STK4: variants seen among roughly 807,000 people sequenced by gnomAD.
The protein encoded by STK4 is serine/threonine kinase 4.
Under a neutral mutation model 64.9 loss-of-function variants are expected in STK4, and 30 were observed. That is an observed-to-expected ratio of 0.46 (90% CI 0.35 to 0.63). The LOEUF is 0.63. Ranked by LOEUF, STK4 falls within the 20% of genes least tolerant of loss-of-function variation. STK4 has a pLI of 0.01. For missense variants in STK4, 466 were observed against 598.5 expected (o/e 0.78, Z 2.31); for synonymous variants, 177 against 199.0 (o/e 0.89, Z 0.93).
Position 45,075,827 on chromosome 20 carries a change from G to C in STK4, c.*651G>C, listed in dbSNP as rs1015135070. 3.9e-5 allele frequency: 6 copies of C among 152,658 alleles called. No individual in the cohort carries two copies. Among genetic ancestry groups the C allele is most frequent in the African/African-American group, 1.4e-4 (6 of 41,450 alleles). The allele number at this position is 152,658 out of a possible 1,614,324, so 9.5% of individuals were successfully genotyped here. On this transcript the variant is annotated 3_prime_UTR_variant, in exon 11 of 11. Coordinates refer to ENST00000372806, the MANE Select transcript of STK4 (RefSeq NM_006282.5). ...TCTGGAGCTATTGGTGATGTCCAAG[G>C]GAAAGCTTTGAGAGTTTATGTTTAC...
Position 45,033,622 on chromosome 20 carries a change from G to T in STK4, c.1305+8492G>T, listed in dbSNP as rs138402387. On this transcript the variant is annotated intron_variant, in intron 10 of 10. Coordinates refer to ENST00000372806, the MANE Select transcript of STK4 (RefSeq NM_006282.5). ...GACAGAGTCTTGCTCTGTTGCCCAG[G>T]CTGGAGTAATGCAGTGGCGTGATCT... Among the ~76,000 whole-genome samples, 595 of 152,234 alleles carry T rather than the reference G, an allele frequency of 3.9e-3. 1 individual carries two copies. The highest frequency in any genetic ancestry group is 0.013 in the African/African-American group (560 of 41,536).
chr20:45,007,385 A>G (rs1158740669), intron 9 of STK4, among the ~76,000 whole-genome samples: 2 of 152,108 alleles, frequency 1.3e-5, no homozygotes, highest in Admixed American at 1.3e-4. Flanking sequence ...ACCCCATCTT[A>G]AGAATACAAA....
At chr20:45,059,331 C>T (rs1400489396) in intron 10 of STK4, among the ~76,000 whole-genome samples, 2 of 152,158 alleles carry the variant, frequency 1.3e-5, no homozygotes, top group African/African-American at 2.4e-5. Flanking sequence ...TTCATCTTTT[C>T]ACTTAAAGGA....
chr20:45,001,105 A>G, intron 8 of STK4, 62 bp from the exon 9 acceptor site: 5 of 1,523,244 alleles, frequency 3.3e-6, no homozygotes, highest in Admixed American at 1.9e-5. Flanking sequence ...GGTAGTAGTT[A>G]TTCAGAAAAC....
chr20:45,011,729 A>ATATATATATATATATATATTT (rs60170856), intron 9 of STK4, among the ~76,000 whole-genome samples: 9 of 115,384 alleles, frequency 7.8e-5, no homozygotes, highest in African/African-American at 2.9e-4. Context: ...ATATATATAT[A>ATATATATATATATATATATTT]TTTTTTTTTT....
At position 44,993,896 on chromosome 20, in the gene STK4, T is replaced by A. The variant is rs116355968; in HGVS notation, c.526-1194T>A. Among the ~76,000 whole-genome samples, 296 of 152,150 alleles carry A rather than the reference T, an allele frequency of 1.9e-3. 2 individuals are homozygous for A. Among genetic ancestry groups the A allele is most frequent in the African/African-American group, 6.6e-3 (272 of 41,498 alleles). On this transcript the variant is annotated intron_variant, in intron 5 of 10. Transcript: ENST00000372806. ...TGGGAGACTCAGTCAGGAGAGTCGC[T>A]TGAACCCCAGGGGCGGAGGTTGCAG... is the stretch of plus-strand genomic sequence containing the variant.
intron 1 of STK4, among the ~76,000 whole-genome samples, chr20:44,967,655 G>A (rs2067174403): frequency 6.6e-6 from 1 of 152,000 alleles, no homozygotes; most frequent in African/African-American, 2.4e-5. Context: ...TCTAAAGAAG[G>A]AAGTGTTCAG....
At chr20:44,997,434 G>A in intron 7 of STK4, 128 bp downstream of exon 7, 1 of 1,197,804 alleles carries the variant, frequency 8.3e-7, no homozygotes, top group Non-Finnish European at 1.1e-6. Context: ...GCTCACGCCT[G>A]TAATCGTAGC....
chr20:45,018,674 A>G (rs2068187316), intron 9 of STK4, among the ~76,000 whole-genome samples: 1 of 152,024 alleles, frequency 6.6e-6, no homozygotes, highest in Admixed American at 6.6e-5. Context: ...GAGTTGTGCA[A>G]CCATCACCAC....
At chr20:45,034,549 A>G (rs1170450317) in intron 10 of STK4, among the ~76,000 whole-genome samples, 1 of 152,194 alleles carries the variant, frequency 6.6e-6, no homozygotes, top group Non-Finnish European at 1.5e-5. Context: ...AACAAGGTTG[A>G]TCTTATTCTT....
chr20:45,020,452 G>A (rs2068224073), intron 9 of STK4, among the ~76,000 whole-genome samples: 1 of 126,032 alleles, frequency 7.9e-6, no homozygotes, highest in South Asian at 2.4e-4. Context: ...GTGTGTGTGT[G>A]TGTGTGTGTG....
At chr20:45,020,099 A>G (rs558989185) in intron 9 of STK4, among the ~76,000 whole-genome samples, 40 of 152,230 alleles carry the variant, frequency 2.6e-4, no homozygotes, top group Non-Finnish European at 3.7e-4. Flanking sequence ...TTGGCATTCA[A>G]GTCCCATCCT....
In STK4 at chr20:44,986,743, A is replaced by G. The variant is rs1020599464; in HGVS notation, c.361-389A>G. ...TTTTGAAGATAGAGAAAAGTCAAGG[A>G]TGACTTCAAGGTTTTTGACCAGAGC... On this transcript the variant is annotated intron_variant, in intron 4 of 10. Coordinates refer to ENST00000372806, the MANE Select transcript of STK4 (RefSeq NM_006282.5). Among the ~76,000 whole-genome samples the G allele has an allele frequency of 2.4e-4, 36 of 152,198 alleles. 1 individual carries two copies. The highest frequency in any genetic ancestry group is 8.7e-4 in the African/African-American group (36 of 41,462).
At chr20:44,996,841 T>C (rs2067739572) in intron 6 of STK4, among the ~76,000 whole-genome samples, 1 of 152,136 alleles carries the variant, frequency 6.6e-6, no homozygotes, top group Non-Finnish European at 1.5e-5. Flanking sequence ...AGGTTATCTT[T>C]AGGATGTAGA....
At chr20:45,060,790 C>A (rs1978925756) in intron 10 of STK4, among the ~76,000 whole-genome samples, 1 of 152,160 alleles carries the variant, frequency 6.6e-6, no homozygotes, top group African/African-American at 2.4e-5. Context: ...TGATCATTAG[C>A]CCTCACTAAT....
intron 1 of STK4, among the ~76,000 whole-genome samples, chr20:44,969,693 T>C (rs1326277180): frequency 6.6e-6 from 1 of 152,208 alleles, no homozygotes; most frequent in Non-Finnish European, 1.5e-5. Context: ...CCATGGATGC[T>C]CTGTTGATCA....
intron 9 of STK4, among the ~76,000 whole-genome samples, chr20:45,017,048 C>T (rs897772815): frequency 6.6e-6 from 1 of 152,078 alleles, no homozygotes; most frequent in Non-Finnish European, 1.5e-5. Context: ...AATGTTTATG[C>T]TCTATAAATA....
chr20:44,976,843 G>T (rs1199444073), intron 2 of STK4, among the ~76,000 whole-genome samples: 1 of 152,188 alleles, frequency 6.6e-6, no homozygotes, highest in African/African-American at 2.4e-5. Context: ...GTCTCAAATG[G>T]CTGCATTAGT....
intron 8 of STK4, 108 bp from the exon 9 acceptor site, chr20:45,001,059 A>T: frequency 3.2e-6 from 4 of 1,247,342 alleles, no homozygotes; most frequent in Non-Finnish European, 3.3e-6. Flanking sequence ...TAGGACCTGA[A>T]TAAGTGTTAA....
Sources: gnomAD v4.1 joint callset for allele counts (sites outside exome capture counted in the v4.1 genomes callset) on GRCh38, gnomAD v4.1.1 for gene constraint, MANE v1.5 for transcripts, NCBI Gene and HGNC (gene_info 2026-07-23, HGNC 2026-07-21) for gene names.